The following CFAP92 variants were observed in gnomAD, a reference collection of about 807,000 sequenced individuals.
CFAP92 encodes the protein uncharacterized protein CFAP92.
CFAP92 carries 86 observed loss-of-function variants against 106.3 expected under a neutral mutation model. The observed-to-expected ratio is 0.81, with a 90% CI of 0.68 to 0.97. CFAP92 has a LOEUF of 0.97. CFAP92 is among the 50% of genes least tolerant of loss of function. CFAP92 has a pLI of 0.00. For synonymous variants in CFAP92, 477 were observed against 506.4 expected (o/e 0.94, Z 0.78); for missense variants, 1,204 against 1,283.8 (o/e 0.94, Z 0.95).
At chr3:128,910,922 C>T in intron 15 of CFAP92, 1 of 1,333,756 alleles carries the variant, frequency 7.5e-7, no homozygotes, top group Non-Finnish European at 1.1e-6. Context: ...TAGCTACTCA[C>T]AGACCTCTGC....
At chr3:128,915,871 C>T (rs1229185552) in intron 13 of CFAP92, 6 of 461,718 alleles carry the variant, frequency 1.3e-5, no homozygotes, top group Non-Finnish European at 2.3e-5. Context: ...TACAGTTGTT[C>T]TCCTTTATGT....
intron 12 of CFAP92, among the ~76,000 whole-genome samples, chr3:128,920,421 A>G (rs1245520659): frequency 6.6e-6 from 1 of 152,208 alleles, no homozygotes; most frequent in Non-Finnish European, 1.5e-5. Context: ...AAAAATTAAA[A>G]TAATTATGAT....
In CFAP92 at chr3:128,913,964, C is replaced by T. The variant is rs114215281; in HGVS notation, c.3280+1155G>A. Among the ~76,000 whole-genome samples the T allele has an allele frequency of 3.8e-3, 585 of 152,158 alleles. 1 individual carries two copies. The highest frequency in any genetic ancestry group is 0.013 in the African/African-American group (554 of 41,508). On this transcript the variant is annotated intron_variant, in intron 15 of 15. Coordinates refer to ENST00000645291, the MANE Select transcript of CFAP92 (RefSeq NM_001394090.1). Reference sequence around the variant, plus strand: ...AGGGGGCTTCACTCTAGGCTGGTGGCGTGTAAGGCCTCAGTCTTACATGCC... The same window carrying T: ...AGGGGGCTTCACTCTAGGCTGGTGGTGTGTAAGGCCTCAGTCTTACATGCC...
At chr3:128,994,898 G>A (rs1330168322), upstream of CFAP92, among the ~76,000 whole-genome samples, 2 of 152,196 alleles carry the variant, frequency 1.3e-5, no homozygotes, top group East Asian at 1.9e-4. Flanking sequence ...CCAGGTAGAG[G>A]AACAGCATAT....
chr3:128,927,021 G>A (rs534156674), intron 12 of CFAP92, among the ~76,000 whole-genome samples: 66 of 152,186 alleles, frequency 4.3e-4, no homozygotes, highest in African/African-American at 1.6e-3. Context: ...TTGAACCCGG[G>A]AGGTGGAGGT....
chr3:128,956,575 A>G (rs1941440583), intron 9 of CFAP92, among the ~76,000 whole-genome samples: 1 of 152,028 alleles, frequency 6.6e-6, no homozygotes, highest in African/African-American at 2.4e-5. Flanking sequence ...GCTGCAAGAG[A>G]TAAATGCCAC....
the CFAP92 span, among the ~76,000 whole-genome samples, chr3:129,012,113 A>T: frequency 6.6e-6 from 1 of 152,206 alleles, no homozygotes; most frequent in Admixed American, 6.5e-5. Flanking sequence ...CTTGGCCATG[A>T]CCTGCCTCAT....
At chr3:128,937,582 C>A (rs762843491) in intron 10 of CFAP92, among the ~76,000 whole-genome samples, 1 of 148,260 alleles carries the variant, frequency 6.7e-6, no homozygotes. Context: ...CCAGCTTGGG[C>A]GACAGAGCGA....
Position 128,945,439 on chromosome 3 carries a change from G to T in CFAP92, c.1890C>A (p.Ser630=). Residue 630 remains serine (S), a synonymous_variant, in exon 10 of 16, where the codon TCC becomes TCA. Transcript: ENST00000645291. ...MPRGNYLEAD[S]QLKLRVDIAV... ...CGATGTCCACTCGCAACTTGAGCTG[G>T]GAGTCAGCCTCTAGGTAGTTGCCCC... 1.3e-6 allele frequency: 2 copies of T among 1,536,184 alleles called. No homozygotes were observed. Among genetic ancestry groups the T allele is most frequent in the African/African-American group, 1.4e-5 (1 of 73,172 alleles).
intron 15 of CFAP92, chr3:128,910,725 T>C: frequency 1.2e-6 from 2 of 1,614,160 alleles, no homozygotes; most frequent in East Asian, 4.5e-5. Context: ...ATCTTTTCTG[T>C]CCTCGGTTCT....
chr3:129,007,659 G>C (rs1021866028), upstream of CFAP92, among the ~76,000 whole-genome samples: 2 of 152,224 alleles, frequency 1.3e-5, no homozygotes, highest in Non-Finnish European at 2.9e-5. Flanking sequence ...TTGGGGTTGG[G>C]AGTGGTTTTA....
intron 12 of CFAP92, among the ~76,000 whole-genome samples, chr3:128,920,513 A>G (rs1937183481): frequency 6.6e-6 from 1 of 152,244 alleles, no homozygotes; most frequent in Non-Finnish European, 1.5e-5. Flanking sequence ...AGAATTGAAG[A>G]AATCATCATT....
intron 9 of CFAP92, among the ~76,000 whole-genome samples, chr3:128,963,951 C>T (rs1942163684): frequency 6.6e-6 from 1 of 152,092 alleles, no homozygotes; most frequent in South Asian, 2.1e-4. Flanking sequence ...ACTAAAATAC[C>T]TCTTAGTTCA....
At chr3:129,003,947 C>T (rs780372831), upstream of CFAP92, 29 of 1,409,254 alleles carry the variant, frequency 2.1e-5, no homozygotes, top group South Asian at 3.8e-4. Flanking sequence ...GGTGCGGCGG[C>T]GCGCGGAGGA....
In CFAP92 at chr3:128,912,529, G is replaced by A. The variant is rs1936449896; in HGVS notation, c.3281-2196C>T. On this transcript the variant is annotated intron_variant, in intron 15 of 15. Transcript: ENST00000645291. Reference sequence around the variant, plus strand: ...CAGATGCTCCAGAAAACCTAGATGAGCAGATTAAGAAAGTGTCCCAGCAGA... The same window carrying A: ...CAGATGCTCCAGAAAACCTAGATGAACAGATTAAGAAAGTGTCCCAGCAGA... 10 of 1,613,674 alleles carry A rather than the reference G, an allele frequency of 6.2e-6. No individual in the cohort carries two copies. The highest frequency in any genetic ancestry group is 8.5e-6 in the Non-Finnish European group (10 of 1,179,618).
At chr3:128,931,447 A>G (rs531880623) in intron 12 of CFAP92, among the ~76,000 whole-genome samples, 38 of 138,682 alleles carry the variant, frequency 2.7e-4, no homozygotes, top group Admixed American at 2.2e-3. Flanking sequence ...AGATATATAT[A>G]TGTGTGTATA....
intron 9 of CFAP92, among the ~76,000 whole-genome samples, chr3:128,956,643 G>A (rs1029674145): frequency 1.3e-5 from 2 of 152,000 alleles, no homozygotes; most frequent in African/African-American, 4.8e-5. Flanking sequence ...ATCAGAAACT[G>A]TAGTGGTAAG....
chr3:129,008,969 C>T, the CFAP92 span, among the ~76,000 whole-genome samples: 2 of 146,806 alleles, frequency 1.4e-5, no homozygotes, highest in Non-Finnish European at 3.0e-5. Context: ...CATCCCCACA[C>T]ACATTTTTAT....
chr3:129,002,333 C>G, intron 1 of CFAP92: 1 of 1,511,402 alleles, frequency 6.6e-7, no homozygotes, highest in Non-Finnish European at 8.8e-7. Context: ...AGGTGCGCGC[C>G]GGCCACGAAG....
Sources: allele counts gnomAD v4.1 joint callset (sites outside exome capture counted in the v4.1 genomes callset), GRCh38; gene constraint gnomAD v4.1.1; transcripts MANE v1.5; gene names NCBI Gene and HGNC (gene_info 2026-07-23, HGNC 2026-07-21).